MAD1L1: variants seen among roughly 807,000 people sequenced by gnomAD.
The protein encoded by MAD1L1 is mitotic spindle assembly checkpoint protein MAD1.
MAD1L1 carries 95 observed loss-of-function variants against 96.9 expected under a neutral mutation model. That is an observed-to-expected ratio of 0.98 (90% CI 0.83 to 1.16). MAD1L1 has a LOEUF of 1.16. Among genes scored for constraint, MAD1L1 ranks in the 50% most tolerant of loss-of-function variants. The pLI, the probability that MAD1L1 is intolerant of heterozygous loss-of-function variation, is 0.00. For missense variants in MAD1L1, 1,007 were observed against 954.4 expected, an observed-to-expected ratio of 1.06 and a Z score of -0.73; for synonymous variants, 473 against 396.6, an observed-to-expected ratio of 1.19 and a Z score of -2.29.
intron 10 of MAD1L1, among the ~76,000 whole-genome samples, chr7:2,188,814 A>C (rs911131590): frequency 6.7e-6 from 1 of 148,944 alleles, no homozygotes; most frequent in South Asian, 2.3e-4. Flanking sequence ...AGATAACAGC[A>C]AAAAAAAAAT....
In MAD1L1 at chr7:1,824,239, C is replaced by T. The variant is rs1211895798; in HGVS notation, c.1999-8011G>A. On this transcript the variant is annotated intron_variant, in intron 18 of 18. Coordinates refer to ENST00000265854, the MANE Select transcript of MAD1L1 (RefSeq NM_001013836.2). ...TCCCCTCTTACACCACCTGCTTGTG[C>T]GGGCCTGGTGGCAGAGCTGCCGACA... Among the ~76,000 whole-genome samples the T allele has an allele frequency of 1.2e-4, 19 of 152,316 alleles. No homozygotes were observed. In the East Asian group the frequency reaches 3.3e-3, roughly 26 times the overall value.
At chr7:2,081,749 C>A (rs1269971529) in intron 11 of MAD1L1, among the ~76,000 whole-genome samples, 1 of 152,182 alleles carries the variant, frequency 6.6e-6, no homozygotes, top group Non-Finnish European at 1.5e-5. Context: ...GAGCTAAGTG[C>A]GAGGGAGAAA....
At chr7:2,223,056 G>A (rs905428990) in intron 4 of MAD1L1, among the ~76,000 whole-genome samples, 2 of 152,204 alleles carry the variant, frequency 1.3e-5, no homozygotes, top group South Asian at 4.1e-4. Context: ...TGCAGGGAGA[G>A]GGGGCATGGG....
At chr7:1,821,936 A>G (rs1367373719) in intron 18 of MAD1L1, among the ~76,000 whole-genome samples, 1 of 152,152 alleles carries the variant, frequency 6.6e-6, no homozygotes, top group Non-Finnish European at 1.5e-5. Flanking sequence ...TGCAGGTAAG[A>G]AAAGGAAAGC....
chr7:1,963,107 A>G (rs1046511627), intron 15 of MAD1L1, among the ~76,000 whole-genome samples: 4 of 152,238 alleles, frequency 2.6e-5, no homozygotes, highest in African/African-American at 7.2e-5. Flanking sequence ...TTTACCTGAA[A>G]GAAAACGAAG....
At chr7:1,994,117 T>C (rs1326108029) in intron 14 of MAD1L1, among the ~76,000 whole-genome samples, 1 of 152,216 alleles carries the variant, frequency 6.6e-6, no homozygotes, top group Non-Finnish European at 1.5e-5. Context: ...ACAACCAGCT[T>C]GTGGGTTTGC....
chr7:1,923,845 C>T (rs1788941137), intron 17 of MAD1L1, among the ~76,000 whole-genome samples: 2 of 152,206 alleles, frequency 1.3e-5, no homozygotes, highest in Admixed American at 6.5e-5. Context: ...GAGAGTTGGA[C>T]TCTGAGCTAG....
At chr7:2,078,576 C>T (rs1039543757) in intron 11 of MAD1L1, among the ~76,000 whole-genome samples, 1 of 152,222 alleles carries the variant, frequency 6.6e-6, no homozygotes, top group Non-Finnish European at 1.5e-5. Flanking sequence ...AGGAGGCTGG[C>T]GGCCAGGGCC....
At chr7:1,881,711 C>T (rs1274467700) in intron 18 of MAD1L1, among the ~76,000 whole-genome samples, 2 of 152,200 alleles carry the variant, frequency 1.3e-5, no homozygotes, top group African/African-American at 4.8e-5. Context: ...ACAAAACGAT[C>T]TGTCACAGAC....
At chr7:2,030,304 T>C (rs1450176537) in intron 12 of MAD1L1, among the ~76,000 whole-genome samples, 8 of 152,190 alleles carry the variant, frequency 5.3e-5, no homozygotes. Context: ...TCCAAACTCA[T>C]TACCTTGCTA....
chr7:2,039,165 C>A (rs1269661383), intron 12 of MAD1L1, among the ~76,000 whole-genome samples: 1 of 152,216 alleles, frequency 6.6e-6, no homozygotes, highest in Non-Finnish European at 1.5e-5. Flanking sequence ...CCGCTAAACT[C>A]CCTGGAGATC....
chr7:1,988,680 C>T (rs1687786804), intron 14 of MAD1L1, among the ~76,000 whole-genome samples: 2 of 152,206 alleles, frequency 1.3e-5, no homozygotes, highest in African/African-American at 4.8e-5. Flanking sequence ...GGGAGGGCAG[C>T]GCCACAGGCA....
intron 12 of MAD1L1, among the ~76,000 whole-genome samples, chr7:2,053,970 C>A (rs1289248265): frequency 6.6e-6 from 1 of 152,274 alleles, no homozygotes; most frequent in East Asian, 1.9e-4. Flanking sequence ...TGATGACACA[C>A]CTGCCACCAG....
chr7:2,097,020 G>T (rs573820826), intron 11 of MAD1L1, among the ~76,000 whole-genome samples: 5 of 152,290 alleles, frequency 3.3e-5, no homozygotes, highest in African/African-American at 1.2e-4. Flanking sequence ...GTGGACCACA[G>T]TTGACATGGT....
At chr7:2,004,323 C>T (rs1294198074) in intron 13 of MAD1L1, among the ~76,000 whole-genome samples, 1 of 152,220 alleles carries the variant, frequency 6.6e-6, no homozygotes, top group African/African-American at 2.4e-5. Flanking sequence ...ACACCCCTGG[C>T]AGCCCGTCCA....
intron 16 of MAD1L1, 120 bp from the exon 17 acceptor site, chr7:1,937,017 T>C (rs966623279): frequency 1.8e-4 from 139 of 763,366 alleles, no homozygotes; most frequent in Admixed American, 1.3e-3. Context: ...CACAGCACAG[T>C]GCTCAGTTCT....
chr7:1,977,610 C>T (rs959915100), intron 15 of MAD1L1, among the ~76,000 whole-genome samples: 2 of 152,246 alleles, frequency 1.3e-5, no homozygotes, highest in African/African-American at 2.4e-5. Context: ...ATGGTGGGGA[C>T]GAGAAGCTTT....
rs998677819 is a variant in MAD1L1 at position 2,142,266 on chromosome 7, G to A, written c.1073+6886C>T. Among the ~76,000 whole-genome samples, 1 of 152,236 alleles carries A rather than the reference G, an allele frequency of 6.6e-6. No homozygotes were observed. Among genetic ancestry groups the A allele is most frequent in the African/African-American group, 2.4e-5 (1 of 41,454 alleles). On this transcript the variant is annotated intron_variant, in intron 11 of 18. Coordinates refer to ENST00000265854, the MANE Select transcript of MAD1L1 (RefSeq NM_001013836.2). The surrounding 1 kb of genome is among the most constrained non-coding windows in gnomAD (Gnocchi z 4.7). Reference sequence around the variant, plus strand: ...CAGGCACGTGCCAGCATCCGCACTGGAACCACCACAGGAAAGCAGATGCCA... The same window carrying A: ...CAGGCACGTGCCAGCATCCGCACTGAAACCACCACAGGAAAGCAGATGCCA...
At chr7:1,949,798 G>T (rs188367290) in intron 16 of MAD1L1, among the ~76,000 whole-genome samples, 1 of 152,352 alleles carries the variant, frequency 6.6e-6, no homozygotes, top group East Asian at 1.9e-4. Flanking sequence ...CAAGAGCCGC[G>T]GGGACTGGCA....
Sources: gnomAD v4.1 joint callset for allele counts (sites outside exome capture counted in the v4.1 genomes callset) on GRCh38, gnomAD v4.1.1 for gene constraint, Gnocchi (gnomAD v3.1) non-coding constraint, MANE v1.5 for transcripts, NCBI Gene and HGNC (gene_info 2026-07-23, HGNC 2026-07-21) for gene names.